Variants in VTI1A observed in about 807,000 individuals in gnomAD.
VTI1A encodes the protein vesicle transport through interaction with t-SNAREs homolog 1A.
A neutral mutation model predicts 34.9 loss-of-function variants in VTI1A; 22 were observed. That is an observed-to-expected ratio of 0.63 (90% CI 0.45 to 0.90). The LOEUF is 0.90. Among genes scored for constraint, VTI1A ranks in the 40% least tolerant of loss-of-function variants. The pLI, the probability that VTI1A is intolerant of heterozygous loss-of-function variation, is 0.00. For synonymous variants in VTI1A, 87 were observed against 97.3 expected (o/e 0.89, Z 0.62); for missense variants, 268 against 275.6 (o/e 0.97, Z 0.20).
chr10:112,492,998 G>C (rs920533888), intron 3 of VTI1A, among the ~76,000 whole-genome samples: 7 of 152,046 alleles, frequency 4.6e-5, no homozygotes, highest in African/African-American at 1.7e-4. Context: ...CTGCTTTCCT[G>C]CTTCCTCTTT....
intron 3 of VTI1A, among the ~76,000 whole-genome samples, chr10:112,513,215 A>G (rs1467151777): frequency 6.6e-6 from 1 of 151,976 alleles, no homozygotes; most frequent in Non-Finnish European, 1.5e-5. Flanking sequence ...AAATTCTTTC[A>G]TCAGTATTTT....
intron 7 of VTI1A, among the ~76,000 whole-genome samples, chr10:112,754,863 A>G (rs1336784815): frequency 1.3e-5 from 2 of 152,334 alleles, no homozygotes; most frequent in East Asian, 3.9e-4. Context: ...AGACTATAAA[A>G]TATATTCCTC....
intron 7 of VTI1A, among the ~76,000 whole-genome samples, chr10:112,786,117 T>G (rs1235583961): frequency 2.0e-5 from 3 of 152,218 alleles, no homozygotes; most frequent in Admixed American, 2.0e-4. Flanking sequence ...TTTATTTAGA[T>G]CTTTACTTTT....
chr10:112,721,223 C>T (rs1347079953), intron 7 of VTI1A, among the ~76,000 whole-genome samples: 1 of 152,202 alleles, frequency 6.6e-6, no homozygotes, highest in Non-Finnish European at 1.5e-5. Context: ...CAGCACATTG[C>T]TTCCTGTGCC....
intron 5 of VTI1A, among the ~76,000 whole-genome samples, chr10:112,586,319 G>T (rs1237790355): frequency 6.6e-6 from 1 of 152,052 alleles, no homozygotes; most frequent in Non-Finnish European, 1.5e-5. Context: ...TTTAAAATAA[G>T]AACTAACCTT....
chr10:112,464,585 C>A lies in VTI1A; in HGVS notation c.192C>A (p.Pro64=), dbSNP rs913075797. The A allele has an allele frequency of 3.1e-6, 5 of 1,612,860 alleles. No homozygotes were observed. The Admixed American group carries it at 6.7e-5, about 22-fold the overall frequency. ...ATTTGGAAGTCCGAGAGATACCACC[C>A]CAAAGTCGAGGGATGTACAGCAACA... The part of the protein sequence containing the change: ...QMDLEVREIP[P]QSRGMYSNRM... The change falls in exon 3 of 8, where the codon CCC becomes CCA. Residue 64 remains proline (P), a synonymous_variant. Transcript: ENST00000393077.
chr10:112,518,139 G>A (rs1442685300), intron 3 of VTI1A, among the ~76,000 whole-genome samples: 1 of 152,136 alleles, frequency 6.6e-6, no homozygotes, highest in South Asian at 2.1e-4. Flanking sequence ...AGAGTGGTAG[G>A]AAGAAATCCA....
At chr10:112,820,776 G>A (rs1170354566), downstream of VTI1A, among the ~76,000 whole-genome samples, 1 of 152,200 alleles carries the variant, frequency 6.6e-6, no homozygotes, top group Non-Finnish European at 1.5e-5. Context: ...GCAGTAACAA[G>A]GAGCCAGCTT....
rs10682533 is a variant in VTI1A at position 112,537,311 on chromosome 10, GTATATA to G, written c.343-913_343-908del. On this transcript the variant is annotated intron_variant, in intron 4 of 7. Transcript: ENST00000393077. Reference sequence around the variant, plus strand: ...CATTTATATATTTCTAAGTATCTAGGTATATATATATATATATATATATATATCTGT... The same window carrying G: ...CATTTATATATTTCTAAGTATCTAGGTATATATATATATATATATATCTGT... 2.7e-3 allele frequency among the ~76,000 whole-genome samples: 177 copies of G among 65,274 alleles called. 4 individuals carry two copies. Among genetic ancestry groups the G allele is most frequent in the Middle Eastern group, 0.012 (1 of 82 alleles). 42.8% of individuals were successfully genotyped at this position (65,274 alleles called of 152,430 possible).
intron 5 of VTI1A, among the ~76,000 whole-genome samples, chr10:112,647,251 A>G (rs1183783701): frequency 6.6e-6 from 1 of 152,188 alleles, no homozygotes; most frequent in East Asian, 1.9e-4. Context: ...ATATTTTCTA[A>G]TGGGACCATG....
chr10:112,463,585 T>C (rs183290787), intron 2 of VTI1A, among the ~76,000 whole-genome samples: 12 of 152,204 alleles, frequency 7.9e-5, no homozygotes, highest in East Asian at 3.9e-4. Context: ...CTGATTAAAC[T>C]CTTCTGTGTT....
At position 112,574,984 on chromosome 10, in the gene VTI1A, A is replaced by G. The variant is rs540047884; in HGVS notation, c.427+36654A>G. Reference sequence around the variant, plus strand: ...ACTCAACCATTTCATTTTACCAGATAAAATAAGGCCCTGATGTGTTAAGTA... The same window carrying G: ...ACTCAACCATTTCATTTTACCAGATGAAATAAGGCCCTGATGTGTTAAGTA... On this transcript the variant is annotated intron_variant, in intron 5 of 7. Transcript: ENST00000393077. 2.0e-5 allele frequency among the ~76,000 whole-genome samples: 3 copies of G among 152,346 alleles called. No individual in the cohort carries two copies. The South Asian group carries it at 6.2e-4, about 32-fold the overall frequency.
intron 5 of VTI1A, among the ~76,000 whole-genome samples, chr10:112,652,072 A>G (rs988832424): frequency 5.3e-5 from 8 of 152,308 alleles, no homozygotes; most frequent in African/African-American, 1.9e-4. Context: ...CCTTCAGGTG[A>G]AAAAAGAAAA....
intron 7 of VTI1A, among the ~76,000 whole-genome samples, chr10:112,713,346 C>G (rs562557577): frequency 6.6e-6 from 1 of 152,242 alleles, no homozygotes; most frequent in East Asian, 1.9e-4. Context: ...CCATTATTGT[C>G]AAGATTACTG....
At chr10:112,524,639 A>T (rs2134216004) in intron 3 of VTI1A, among the ~76,000 whole-genome samples, 1 of 152,282 alleles carries the variant, frequency 6.6e-6, no homozygotes, top group African/African-American at 2.4e-5. Context: ...TTCGATATTT[A>T]GGGATACACA....
intron 7 of VTI1A, among the ~76,000 whole-genome samples, chr10:112,675,189 G>A (rs1444247729): frequency 6.6e-6 from 1 of 152,078 alleles, no homozygotes; most frequent in East Asian, 1.9e-4. Context: ...TCTCTGATAG[G>A]TAGGTAGCAG....
chr10:112,604,795 A>G (rs1845013206), intron 5 of VTI1A, among the ~76,000 whole-genome samples: 1 of 152,186 alleles, frequency 6.6e-6, no homozygotes, highest in African/African-American at 2.4e-5. Flanking sequence ...GACCTTGTCT[A>G]ATTAAAGGCA....
At chr10:112,837,645 G>GA in the VTI1A span, among the ~76,000 whole-genome samples, 4 of 152,202 alleles carry the variant, frequency 2.6e-5, no homozygotes, top group Non-Finnish European at 5.9e-5. Flanking sequence ...GGAGGGCTTG[G>GA]TCTGGAAGGT....
intron 7 of VTI1A, among the ~76,000 whole-genome samples, chr10:112,698,141 A>G (rs1434928891): frequency 6.6e-6 from 1 of 152,224 alleles, no homozygotes; most frequent in Admixed American, 6.5e-5. Flanking sequence ...ACATGTTGCT[A>G]TCAATAAGAA....
Sources: gnomAD v4.1 joint callset for allele counts (sites outside exome capture counted in the v4.1 genomes callset) on GRCh38, gnomAD v4.1.1 for gene constraint, MANE v1.5 for transcripts, NCBI Gene and HGNC (gene_info 2026-07-23, HGNC 2026-07-21) for gene names.